DACH1: variants seen among roughly 807,000 people sequenced by gnomAD.
The protein encoded by DACH1 is dachshund family transcription factor 1, also known as dachshund homolog 1.
Under a neutral mutation model 54.2 loss-of-function variants are expected in DACH1, and 12 were observed. The ratio of observed to expected loss-of-function variants is 0.22; its 90% CI spans 0.14 to 0.36. The LOEUF (loss-of-function observed/expected upper bound fraction) is 0.36. Among genes scored for constraint, DACH1 ranks in the 10% least tolerant of loss-of-function variants. The pLI is 1.00. For missense variants in DACH1, 805 were observed against 929.8 expected (o/e 0.87, Z 1.75); for synonymous variants, 386 against 366.2 (o/e 1.05, Z -0.62).
intron 3 of DACH1, 90 bp from the exon 4 acceptor site, chr13:71,573,102 C>A: frequency 7.7e-7 from 1 of 1,293,852 alleles, no homozygotes; most frequent in South Asian, 1.5e-5. Context: ...TAATGGTAGT[C>A]AAAGAAACAA....
At chr13:71,692,501 C>T (rs376204925) in intron 1 of DACH1, among the ~76,000 whole-genome samples, 47 of 71,522 alleles carry the variant, frequency 6.6e-4, no homozygotes, top group East Asian at 1.5e-3. Flanking sequence ...TCTTTCTTTT[C>T]TTTCCTTTTT....
chr13:71,695,822 T>C (rs1322637097), intron 1 of DACH1, among the ~76,000 whole-genome samples: 1 of 152,222 alleles, frequency 6.6e-6, no homozygotes, highest in African/African-American at 2.4e-5. Context: ...TTCAGTAGCC[T>C]TGGCTAACTC....
At chr13:71,678,186 T>C (rs2138693819) in intron 2 of DACH1, among the ~76,000 whole-genome samples, 1 of 152,298 alleles carries the variant, frequency 6.6e-6, no homozygotes, top group East Asian at 1.9e-4. Context: ...GTCTATATGA[T>C]CATATTTAGT....
intron 1 of DACH1, among the ~76,000 whole-genome samples, chr13:71,769,748 C>T (rs922924287): frequency 3.3e-5 from 5 of 151,524 alleles, no homozygotes; most frequent in African/African-American, 1.2e-4. Context: ...CTTTTTAGAA[C>T]AATAAATGAT....
At chr13:71,620,785 TA>T (rs1876175710) in intron 3 of DACH1, among the ~76,000 whole-genome samples, 1 of 152,030 alleles carries the variant, frequency 6.6e-6, no homozygotes. Flanking sequence ...TCAGATATCT[TA>T]AAATGTAGTA....
intron 3 of DACH1, among the ~76,000 whole-genome samples, chr13:71,590,699 G>T (rs528514150): frequency 6.6e-6 from 1 of 151,918 alleles, no homozygotes; most frequent in Non-Finnish European, 1.5e-5. Context: ...TTATAAGAAT[G>T]GGGGAAAAAT....
chr13:71,509,416 G>T (rs1880586508), intron 6 of DACH1, among the ~76,000 whole-genome samples: 1 of 152,046 alleles, frequency 6.6e-6, no homozygotes. Flanking sequence ...TTAGGAATGA[G>T]ACTAATAGAT....
chr13:71,488,038 A>C (rs1016162319), intron 7 of DACH1, among the ~76,000 whole-genome samples: 1 of 152,166 alleles, frequency 6.6e-6, no homozygotes, highest in Non-Finnish European at 1.5e-5. Context: ...TGCCATATTA[A>C]TAGATGAGAA....
At chr13:71,633,641 GTAACT>G (rs1877266549) in intron 2 of DACH1, among the ~76,000 whole-genome samples, 1 of 151,818 alleles carries the variant, frequency 6.6e-6, no homozygotes, top group African/African-American at 2.4e-5. Context: ...TTTACATGCT[GTAACT>G]TAACTACAAC....
At chr13:71,643,605 G>T (rs1468195962) in intron 2 of DACH1, among the ~76,000 whole-genome samples, 2 of 152,098 alleles carry the variant, frequency 1.3e-5, no homozygotes, top group Non-Finnish European at 2.9e-5. Flanking sequence ...AAGGTCAAAG[G>T]TTTAATTTTG....
chr13:71,461,028 T>C (rs1199638097), intron 10 of DACH1, among the ~76,000 whole-genome samples: 1 of 152,048 alleles, frequency 6.6e-6, no homozygotes, highest in African/African-American at 2.4e-5. Context: ...CCTGAACTCT[T>C]AGGGAAATAC....
chr13:71,471,075 A>T (rs1047928561), intron 10 of DACH1, among the ~76,000 whole-genome samples: 17 of 152,268 alleles, frequency 1.1e-4, no homozygotes, highest in African/African-American at 3.4e-4. Context: ...AGTAAAGGCA[A>T]GGAAGAAGAA....
chr13:71,632,134 C>A (rs1162962751), intron 2 of DACH1, among the ~76,000 whole-genome samples: 26 of 147,516 alleles, frequency 1.8e-4, no homozygotes, highest in African/African-American at 5.5e-4. Flanking sequence ...AAGAAAAAGA[C>A]AAAAAAAAAG....
At chr13:71,791,046 G>C (rs920752086) in intron 1 of DACH1, among the ~76,000 whole-genome samples, 10 of 152,194 alleles carry the variant, frequency 6.6e-5, no homozygotes, top group African/African-American at 2.2e-4. Flanking sequence ...ACAGCTGACT[G>C]AAACCCTGAC....
chr13:71,588,676 C>T (rs959172860), intron 3 of DACH1, among the ~76,000 whole-genome samples: 1 of 151,874 alleles, frequency 6.6e-6, no homozygotes, highest in Non-Finnish European at 1.5e-5. Context: ...TAAAAAACAA[C>T]ACAAAATAAT....
At chr13:71,758,112 G>A (rs1885244422) in intron 1 of DACH1, among the ~76,000 whole-genome samples, 1 of 151,712 alleles carries the variant, frequency 6.6e-6, no homozygotes, top group Admixed American at 6.6e-5. Context: ...GAGATTTAGG[G>A]CTGTGAACAC....
At chr13:71,605,324 T>C (rs891930400) in intron 3 of DACH1, among the ~76,000 whole-genome samples, 1 of 151,840 alleles carries the variant, frequency 6.6e-6, no homozygotes, top group Admixed American at 6.6e-5. Context: ...ATACAACTAA[T>C]GTATTGTAAT....
chr13:71,586,392 G>A (rs1472365478), intron 3 of DACH1, among the ~76,000 whole-genome samples: 1 of 152,060 alleles, frequency 6.6e-6, no homozygotes, highest in African/African-American at 2.4e-5. Flanking sequence ...AATTAAATCT[G>A]GGGAATATGC....
intron 6 of DACH1, among the ~76,000 whole-genome samples, chr13:71,522,725 G>A (rs1336973860): frequency 3.3e-5 from 5 of 152,000 alleles, no homozygotes; most frequent in East Asian, 1.9e-4. Flanking sequence ...ATTCAGGAAT[G>A]ACAGTTTAAC....
Sources: allele counts gnomAD v4.1 joint callset (sites outside exome capture counted in the v4.1 genomes callset), GRCh38; gene constraint gnomAD v4.1.1; transcripts MANE v1.5; gene names NCBI Gene and HGNC (gene_info 2026-07-23, HGNC 2026-07-21).